The following GUCY2C variants were observed in gnomAD, a reference collection of about 807,000 sequenced individuals.
The protein encoded by GUCY2C is guanylate cyclase 2C.
GUCY2C carries 118 observed loss-of-function variants against 131.1 expected under a neutral mutation model. That is an observed-to-expected ratio of 0.90 (90% CI 0.78 to 1.05). The LOEUF (loss-of-function observed/expected upper bound fraction) is 1.05. GUCY2C is among the 50% of genes least tolerant of loss of function. The pLI is 0.00. For missense variants in GUCY2C, 1,161 were observed against 1,304.4 expected (o/e 0.89, Z 1.69); for synonymous variants, 452 against 457.8 (o/e 0.99, Z 0.16).
rs140985636 is a variant in GUCY2C at position 14,658,583 on chromosome 12, C to T, written c.1365-1966G>A. Among the ~76,000 whole-genome samples, 507 of 152,176 alleles carry T rather than the reference C, an allele frequency of 3.3e-3. 1 individual carries two copies. The highest frequency in any genetic ancestry group is 0.011 in the African/African-American group (472 of 41,510). On this transcript the variant is annotated intron_variant, in intron 11 of 26. Transcript: ENST00000261170. The stretch of plus-strand genomic sequence containing the variant: ...TGTACCTACTAGTGAGGCCAAGGCA[C>T]GAGAATTGCTTGAACCCAGGAGGTG...
At chr12:14,634,682 T>C (rs1947223461) in intron 19 of GUCY2C, among the ~76,000 whole-genome samples, 1 of 152,208 alleles carries the variant, frequency 6.6e-6, no homozygotes, top group South Asian at 2.1e-4. Context: ...CAATGGATTT[T>C]TAAAAATGAC....
At chr12:14,625,724 T>G (rs1427522055) in intron 21 of GUCY2C, 33 bp downstream of exon 21, 1 of 1,606,788 alleles carries the variant, frequency 6.2e-7, no homozygotes, top group East Asian at 2.2e-5. Flanking sequence ...GCTAGAGGGA[T>G]TTCAGCCTCC....
rs761666936 is a variant in GUCY2C at position 14,681,346 on chromosome 12, G to C, written c.733+10C>G. The C allele has an allele frequency of 9.3e-6, 15 of 1,610,912 alleles. No homozygotes were observed. Among genetic ancestry groups the C allele is most frequent in the Middle Eastern group, 1.7e-4 (1 of 6,042 alleles). Reference sequence around the variant, plus strand: ...GTTAGCAAAAAACAATTATCTTCATGTCTTCTTACCATTGCTTTTCCTGTT... The same window carrying C: ...GTTAGCAAAAAACAATTATCTTCATCTCTTCTTACCATTGCTTTTCCTGTT... On this transcript the variant is annotated intron_variant, in intron 5 of 26. Coordinates refer to ENST00000261170, the MANE Select transcript of GUCY2C (RefSeq NM_004963.4).
intron 19 of GUCY2C, among the ~76,000 whole-genome samples, chr12:14,631,134 C>T (rs1158709978): frequency 6.6e-6 from 1 of 152,144 alleles, no homozygotes; most frequent in East Asian, 1.9e-4. Flanking sequence ...ACTCATCTGG[C>T]AGTGTCTTTG....
chr12:14,654,452 A>G (rs548877349), intron 12 of GUCY2C, among the ~76,000 whole-genome samples: 1 of 152,058 alleles, frequency 6.6e-6, no homozygotes, highest in South Asian at 2.1e-4. Flanking sequence ...CCTGTCTAAA[A>G]CTCAGAGTAA....
rs747046685 is a variant in GUCY2C at position 14,652,936 on chromosome 12, A to C, written c.1533+16T>G. On this transcript the variant is annotated intron_variant, in intron 13 of 26. Coordinates refer to ENST00000261170, the MANE Select transcript of GUCY2C (RefSeq NM_004963.4). ...GCATACCCCAGTGGAGAGTTCAGAGAAGTGGGAGAGGTCACCTTTTTGTCG... is the reference window on the plus strand; with the variant it reads ...GCATACCCCAGTGGAGAGTTCAGAGCAGTGGGAGAGGTCACCTTTTTGTCG... 4 of 1,566,580 alleles carry C rather than the reference A, an allele frequency of 2.6e-6. No homozygotes were observed. Among genetic ancestry groups the C allele is most frequent in the Middle Eastern group, 1.7e-4 (1 of 6,000 alleles).
chr12:14,650,122 G>T (rs1947613340), intron 15 of GUCY2C, among the ~76,000 whole-genome samples: 1 of 152,000 alleles, frequency 6.6e-6, no homozygotes, highest in Admixed American at 6.5e-5. Context: ...AGTAGCAAGT[G>T]CATTTTAAAA....
intron 19 of GUCY2C, among the ~76,000 whole-genome samples, chr12:14,632,450 GA>G (rs1166079719): frequency 6.6e-5 from 10 of 152,142 alleles, no homozygotes; most frequent in Non-Finnish European, 1.2e-4. Flanking sequence ...AAAATAATTA[GA>G]AATTTTTCAC....
chr12:14,614,875 A>T lies in GUCY2C; in HGVS notation c.3039T>A (p.Pro1013=). 1 of 1,581,798 alleles carries T rather than the reference A, an allele frequency of 6.3e-7. No homozygotes were observed. Among genetic ancestry groups the T allele is most frequent in the Non-Finnish European group, 8.6e-7 (1 of 1,163,446 alleles). The part of the protein sequence containing the change: ...MKDQKFNLPT[P]PTVENQQRLQ... ...CACACCCAGAAGCTTACACAGTAGG[A>T]GGGGTTGGCAGGTTGAATTTCTGGT... The change falls in exon 26 of 27, where the codon CCT becomes CCA. Residue 1013 remains proline, a synonymous_variant. Transcript: ENST00000261170.
chr12:14,674,315 TA>T (rs1460156249), intron 8 of GUCY2C: 1 of 379,078 alleles, frequency 2.6e-6, no homozygotes, highest in African/African-American at 2.1e-5. Context: ...ATCCTCTTGT[TA>T]GTCTCCAAGC....
At chr12:14,638,647 C>T (rs1947328833) in intron 19 of GUCY2C, among the ~76,000 whole-genome samples, 1 of 152,022 alleles carries the variant, frequency 6.6e-6, no homozygotes, top group African/African-American at 2.4e-5. Flanking sequence ...CATGCAGGGG[C>T]TGAAAAAGTT....
intron 11 of GUCY2C, among the ~76,000 whole-genome samples, chr12:14,660,189 A>T (rs1054992903): frequency 6.6e-6 from 1 of 152,266 alleles, no homozygotes; most frequent in Non-Finnish European, 1.5e-5. Flanking sequence ...TAATACACAG[A>T]TAAAACTGTT....
At chr12:14,635,253 A>T (rs564254083) in intron 19 of GUCY2C, among the ~76,000 whole-genome samples, 1 of 152,338 alleles carries the variant, frequency 6.6e-6, no homozygotes, top group South Asian at 2.1e-4. Context: ...AACCAGAATT[A>T]TATCAAATAT....
At chr12:14,669,215 T>TC (rs1313339021) in intron 10 of GUCY2C, among the ~76,000 whole-genome samples, 1 of 151,478 alleles carries the variant, frequency 6.6e-6, no homozygotes, top group East Asian at 1.9e-4. Flanking sequence ...TTTTTCTTTT[T>TC]TTTTTTTTGA....
chr12:14,619,625 G>A (rs1275634880), intron 23 of GUCY2C: 1 of 272,478 alleles, frequency 3.7e-6, no homozygotes, highest in African/African-American at 2.2e-5. Flanking sequence ...ATGAAGATGA[G>A]CCCCACTGCT....
At chr12:14,626,500 A>AC (rs1947021136) in intron 20 of GUCY2C, among the ~76,000 whole-genome samples, 1 of 152,248 alleles carries the variant, frequency 6.6e-6, no homozygotes, top group Admixed American at 6.5e-5. Flanking sequence ...GAATGCATAT[A>AC]CCAATCAGCT....
intron 15 of GUCY2C, among the ~76,000 whole-genome samples, chr12:14,650,479 C>T (rs779776292): frequency 6.6e-6 from 1 of 152,208 alleles, no homozygotes; most frequent in Non-Finnish European, 1.5e-5. Flanking sequence ...ATCTCCTGAC[C>T]TCATGATCCG....
intron 14 of GUCY2C, 148 bp downstream of exon 14, chr12:14,651,811 C>G: frequency 1.7e-6 from 1 of 584,214 alleles, no homozygotes; most frequent in Middle Eastern, 2.7e-4. Context: ...TTTCCAATAT[C>G]TCTTGGTAGA....
At chr12:14,675,207 CA>C (rs35870014) in intron 7 of GUCY2C, among the ~76,000 whole-genome samples, 2,227 of 34,794 alleles carry the variant, frequency 0.064, 4 homozygotes, top group Middle Eastern at 0.16. Context: ...AACTCCATCT[CA>C]AAAAAAAAAA....
Sources: allele counts gnomAD v4.1 joint callset (sites outside exome capture counted in the v4.1 genomes callset), GRCh38; gene constraint gnomAD v4.1.1; transcripts MANE v1.5; gene names NCBI Gene and HGNC (gene_info 2026-07-23, HGNC 2026-07-21).